The following STOM variants were observed in gnomAD, a reference collection of about 807,000 sequenced individuals.
STOM encodes erythrocyte band 7 integral membrane protein.
STOM carries 25 observed loss-of-function variants against 30.6 expected under a neutral mutation model. The ratio of observed to expected loss-of-function variants is 0.82; its 90% CI spans 0.60 to 1.14. The LOEUF (loss-of-function observed/expected upper bound fraction) is 1.14. Among genes scored for constraint, STOM ranks in the 50% most tolerant of loss-of-function variants. The pLI, the probability that STOM is intolerant of heterozygous loss-of-function variation, is 0.00. For synonymous variants in STOM, 118 were observed against 130.8 expected (o/e 0.90, Z 0.67); for missense variants, 292 against 365.2 (o/e 0.80, Z 1.63).
chr9:121,350,351 A>C (rs2064328592), intron 4 of STOM, among the ~76,000 whole-genome samples: 1 of 152,228 alleles, frequency 6.6e-6, no homozygotes, highest in African/African-American at 2.4e-5. Flanking sequence ...GGCAGAGTTA[A>C]GCACTCTTCC....
At position 121,340,715 on chromosome 9, in the gene STOM, A is replaced by G. The variant is rs887253843; in HGVS notation, c.*487T>C. 2.0e-6 allele frequency: 2 copies of G among 983,256 alleles called. No individual in the cohort carries two copies. Among genetic ancestry groups the G allele is most frequent in the African/African-American group, 3.5e-5 (2 of 56,522 alleles). 60.9% of individuals were successfully genotyped at this position (983,256 alleles called of 1,614,324 possible). A position where few individuals can be genotyped will look rare whatever the true frequency, so the allele number is the denominator to read the frequency against. On this transcript the variant is annotated 3_prime_UTR_variant, in exon 7 of 7. Coordinates refer to ENST00000286713, the MANE Select transcript of STOM (RefSeq NM_004099.6). The stretch of plus-strand genomic sequence containing the variant: ...CAGTGAGCCGAGATCATGCTATTGC[A>G]CTCCAGCCTGGGCAACAAGAGTGAA...
At chr9:121,358,013 G>A (rs1446997431) in intron 1 of STOM, among the ~76,000 whole-genome samples, 1 of 151,698 alleles carries the variant, frequency 6.6e-6, no homozygotes, top group African/African-American at 2.4e-5. Context: ...TAAATAATAC[G>A]CTTTGCAGCT....
intron 1 of STOM, among the ~76,000 whole-genome samples, chr9:121,368,442 C>G (rs2064526131): frequency 6.6e-6 from 1 of 152,174 alleles, no homozygotes; most frequent in South Asian, 2.1e-4. Context: ...TAGGAAAAGA[C>G]AACTAACTAT....
At chr9:121,351,435 G>A (rs2064338458) in intron 4 of STOM, among the ~76,000 whole-genome samples, 1 of 152,246 alleles carries the variant, frequency 6.6e-6, no homozygotes, top group African/African-American at 2.4e-5. Context: ...TCCTAAGCTG[G>A]TTTCTGGTAT....
chr9:121,370,168 G>A lies in STOM; in HGVS notation c.20C>T (p.Thr7Ile). MAEKRH[T>I]RDSEAQRLPD... ...GAGCCGCTGGGCTTCGGAGTCCCGT[G>A]TGTGCCGCTTCTCGGCCATGCTGCC... is the stretch of plus-strand genomic sequence containing the variant. Residue 7 changes from threonine (T) to isoleucine (I), a missense_variant, in exon 1 of 7, where the codon ACA (threonine) becomes ATA (isoleucine). Thr to Ile is a moderately conservative substitution (Grantham distance 89). Coordinates refer to ENST00000286713, the MANE Select transcript of STOM (RefSeq NM_004099.6). The A allele has an allele frequency of 1.3e-6, 2 of 1,548,156 alleles. No homozygotes were observed. Among genetic ancestry groups the A allele is most frequent in the Non-Finnish European group, 1.7e-6 (2 of 1,146,502 alleles).
At position 121,370,177 on chromosome 9, in the gene STOM, T is replaced by C; in HGVS notation, c.11A>G (p.Lys4Arg). ...GGCTTCGGAGTCCCGTGTGTGCCGC[T>C]TCTCGGCCATGCTGCCCGAGACGCA... is the stretch of plus-strand genomic sequence containing the variant. MAE[K>R]RHTRDSEAQR... The change falls in exon 1 of 7, where the codon AAG becomes AGG. Residue 4 changes from lysine (K) to arginine (R), a missense_variant. Lys to Arg is a conservative substitution (Grantham distance 26). Coordinates refer to ENST00000286713, the MANE Select transcript of STOM (RefSeq NM_004099.6). The C allele has an allele frequency of 1.3e-6, 2 of 1,548,152 alleles. No homozygotes were observed. Among genetic ancestry groups the C allele is most frequent in the Non-Finnish European group, 1.7e-6 (2 of 1,146,420 alleles).
intron 4 of STOM, 128 bp downstream of exon 4, chr9:121,353,092 A>AAAAC (rs369715891): frequency 4.6e-5 from 20 of 430,380 alleles, no homozygotes; most frequent in African/African-American, 2.1e-4. Context: ...GATTCCAATT[A>AAAAC]AAACAAACAA....
intron 4 of STOM, 92 bp from the exon 5 acceptor site, chr9:121,349,415 C>A: frequency 9.1e-7 from 1 of 1,100,022 alleles, no homozygotes. Context: ...TCTTATAACA[C>A]TAGCTGATTT....
intron 1 of STOM, among the ~76,000 whole-genome samples, chr9:121,368,421 A>T (rs141461929): frequency 4.0e-4 from 61 of 152,330 alleles, no homozygotes; most frequent in African/African-American, 1.3e-3. Context: ...GCTAATACCC[A>T]CCTTTTTATC....
intron 3 of STOM, among the ~76,000 whole-genome samples, chr9:121,353,987 T>C (rs2064362988): frequency 6.6e-6 from 1 of 152,192 alleles, no homozygotes; most frequent in African/African-American, 2.4e-5. Context: ...ACTTATCACA[T>C]AGGATTGTAG....
intron 1 of STOM, among the ~76,000 whole-genome samples, chr9:121,368,932 C>CAAA (rs34631713): frequency 1.0e-5 from 1 of 96,904 alleles, no homozygotes; most frequent in Non-Finnish European, 2.2e-5. Context: ...AACTCCGTCT[C>CAAA]AAAAAAAAAA....
At chr9:121,354,471 G>A in intron 3 of STOM, 130 bp downstream of exon 3, 2 of 631,282 alleles carry the variant, frequency 3.2e-6, no homozygotes, top group South Asian at 2.1e-5. Flanking sequence ...AGTGAGACAT[G>A]AGCATGCCAC....
intron 6 of STOM, 129 bp from the exon 7 acceptor site, chr9:121,341,537 T>G (rs528664313): frequency 1.6e-6 from 2 of 1,214,720 alleles, no homozygotes; most frequent in Middle Eastern, 5.7e-4. Context: ...AGAGTAGTTT[T>G]AAGAAAATCA....
At chr9:121,366,014 A>C (rs1250366408) in intron 1 of STOM, 2 of 651,306 alleles carry the variant, frequency 3.1e-6, no homozygotes, top group Non-Finnish European at 3.8e-6. Flanking sequence ...ATGTTCTTGG[A>C]CCATCCTTCA....
chr9:121,346,953 AT>A (rs1362238983), intron 6 of STOM, among the ~76,000 whole-genome samples: 1 of 152,138 alleles, frequency 6.6e-6, no homozygotes, highest in Non-Finnish European at 1.5e-5. Flanking sequence ...GTCTTGGGAG[AT>A]TTGTCAAGTC....
At chr9:121,360,490 C>T (rs145608307) in intron 1 of STOM, among the ~76,000 whole-genome samples, 11 of 152,102 alleles carry the variant, frequency 7.2e-5, no homozygotes, top group East Asian at 1.9e-4. Flanking sequence ...GTTTCCTTAC[C>T]GGTGGAAAGT....
At chr9:121,361,308 G>T (rs1470936139) in intron 1 of STOM, among the ~76,000 whole-genome samples, 10 of 150,068 alleles carry the variant, frequency 6.7e-5, no homozygotes, top group Non-Finnish European at 1.2e-4. Flanking sequence ...TATTACTTTA[G>T]GACTGAATCC....
At chr9:121,364,632 A>G (rs1341778071) in intron 1 of STOM, among the ~76,000 whole-genome samples, 3 of 152,186 alleles carry the variant, frequency 2.0e-5, no homozygotes, top group Non-Finnish European at 2.9e-5. Context: ...TAGCTCAAAA[A>G]GAATAAGGAA....
chr9:121,346,505 C>T (rs919755994), intron 6 of STOM, among the ~76,000 whole-genome samples: 3 of 152,146 alleles, frequency 2.0e-5, no homozygotes, highest in South Asian at 4.1e-4. Context: ...TGACATTCTA[C>T]GTAGTATATG....
Sources: allele counts gnomAD v4.1 joint callset (sites outside exome capture counted in the v4.1 genomes callset), GRCh38; gene constraint gnomAD v4.1.1; transcripts MANE v1.5; gene names NCBI Gene and HGNC (gene_info 2026-07-23, HGNC 2026-07-21).